The following PCDHA8 variants were observed in gnomAD, a reference collection of about 807,000 sequenced individuals.
PCDHA8 encodes the protein protocadherin alpha-8.
PCDHA8 carries 53 observed loss-of-function variants against 61.8 expected under a neutral mutation model. The observed-to-expected ratio is 0.86, with a 90% CI of 0.69 to 1.08. PCDHA8 has a LOEUF of 1.08. PCDHA8 is among the 50% of genes least tolerant of loss of function. The pLI is 0.00. For missense variants in PCDHA8, 1,293 were observed against 1,245.0 expected, an observed-to-expected ratio of 1.04 and a Z score of -0.58; for synonymous variants, 618 against 556.6, an observed-to-expected ratio of 1.11 and a Z score of -1.55.
At chr5:140,884,130 C>A in intron 1 of PCDHA8, 1 of 1,613,434 alleles carries the variant, frequency 6.2e-7, no homozygotes, top group South Asian at 1.1e-5. Context: ...GCGCGCATCC[C>A]GTTCCGCGTG....
rs574855184 is a variant in PCDHA8 at position 140,890,340 on chromosome 5, G to C, written c.2394+46625G>C. ...TTTAAGATATTAGGTAGTTGGGATG[G>C]TTTACTATATAGCAATGGATAACCT... On this transcript the variant is annotated intron_variant, in intron 1 of 3. Coordinates refer to ENST00000531613, the MANE Select transcript of PCDHA8 (RefSeq NM_018911.3). 9.1e-4 allele frequency among the ~76,000 whole-genome samples: 139 copies of C among 152,222 alleles called. 2 individuals are homozygous for C. The Middle Eastern group carries it at 0.017, about 19-fold the overall frequency.
chr5:140,906,662 G>A (rs1186000828), intron 1 of PCDHA8, among the ~76,000 whole-genome samples: 1 of 152,200 alleles, frequency 6.6e-6, no homozygotes, highest in Non-Finnish European at 1.5e-5. Context: ...TCCTGGTGTA[G>A]TGACCCAAAC....
intron 1 of PCDHA8, among the ~76,000 whole-genome samples, chr5:140,937,894 A>G (rs1554211868): frequency 6.6e-6 from 1 of 150,462 alleles, no homozygotes; most frequent in Non-Finnish European, 1.5e-5. Context: ...CCTGGGCGAC[A>G]GAGTGAGACT....
At chr5:140,989,321 C>T (rs898791820) in intron 3 of PCDHA8, among the ~76,000 whole-genome samples, 2 of 152,296 alleles carry the variant, frequency 1.3e-5, no homozygotes, top group Non-Finnish European at 1.5e-5. Context: ...GTCTCACCAA[C>T]TTTGCCACCT....
At chr5:140,980,856 G>A (rs559833499) in intron 2 of PCDHA8, among the ~76,000 whole-genome samples, 2 of 152,004 alleles carry the variant, frequency 1.3e-5, no homozygotes, top group African/African-American at 2.4e-5. Context: ...AATCTTTTTC[G>A]TATGTGTGCT....
chr5:140,968,652 ACCTGGACCT>A lies in PCDHA8; in HGVS notation c.2395-10295_2395-10287del, dbSNP rs1332508740. The A allele has an allele frequency of 1.9e-6, 3 of 1,614,000 alleles. No homozygotes were observed. In the African/African-American group the frequency reaches 4.0e-5, roughly 22 times the overall value. On this transcript the variant is annotated intron_variant, in intron 1 of 3. Transcript: ENST00000531613. ...TTTTACCATCTAGCCCAGACTTCTGACCTGGACCTCTTTAAGGTAGAGCTGCACACAGGA... is the reference window on the plus strand; with the variant it reads ...TTTTACCATCTAGCCCAGACTTCTGACTTTAAGGTAGAGCTGCACACAGGA...
intron 1 of PCDHA8, among the ~76,000 whole-genome samples, chr5:140,973,337 G>T (rs2096582330): frequency 6.6e-6 from 1 of 152,162 alleles, no homozygotes; most frequent in African/African-American, 2.4e-5. Flanking sequence ...TCGTTGTAAA[G>T]TGACATAGTA....
At chr5:140,883,763 G>T (rs782611304) in intron 1 of PCDHA8, 4 of 1,612,740 alleles carry the variant, frequency 2.5e-6, no homozygotes, top group Non-Finnish European at 3.4e-6. Flanking sequence ...GGAGCGGCGG[G>T]TGGGCGAGCG....
chr5:140,932,063 T>C (rs1020375496), intron 1 of PCDHA8, among the ~76,000 whole-genome samples: 8 of 151,942 alleles, frequency 5.3e-5, no homozygotes, highest in African/African-American at 1.4e-4. Context: ...CTAAAAATTA[T>C]CAGTTTAAGA....
At chr5:140,973,207 A>C (rs1335984656) in intron 1 of PCDHA8, among the ~76,000 whole-genome samples, 1 of 152,100 alleles carries the variant, frequency 6.6e-6, no homozygotes, top group Non-Finnish European at 1.5e-5. Flanking sequence ...GTGCATATTC[A>C]CCCTAATTCC....
chr5:140,893,388 CATG>C (rs2063965035), intron 1 of PCDHA8, among the ~76,000 whole-genome samples: 1 of 152,132 alleles, frequency 6.6e-6, no homozygotes, highest in South Asian at 2.1e-4. Context: ...GACAGTGGCT[CATG>C]CCTGTAATCC....
At chr5:141,001,705 G>A (rs2098033380) in intron 3 of PCDHA8, among the ~76,000 whole-genome samples, 1 of 152,194 alleles carries the variant, frequency 6.6e-6, no homozygotes, top group African/African-American at 2.4e-5. Context: ...GAAATAGGGG[G>A]CGGGGAAGGA....
At chr5:140,985,216 C>T (rs1009954667) in intron 3 of PCDHA8, among the ~76,000 whole-genome samples, 1 of 152,186 alleles carries the variant, frequency 6.6e-6, no homozygotes, top group South Asian at 2.1e-4. Context: ...GGATTACAGG[C>T]GTGAGCCACC....
At chr5:140,993,431 C>T (rs1171497178) in intron 3 of PCDHA8, among the ~76,000 whole-genome samples, 1 of 149,406 alleles carries the variant, frequency 6.7e-6, no homozygotes, top group African/African-American at 2.5e-5. Context: ...TTTTAAAATC[C>T]TTATTCATTC....
chr5:140,997,664 C>A (rs2097778003), intron 3 of PCDHA8, among the ~76,000 whole-genome samples: 1 of 142,906 alleles, frequency 7.0e-6, no homozygotes, highest in African/African-American at 2.5e-5. Context: ...TATTATTATA[C>A]AGCTTGTGTG....
rs2150350552 is a variant in PCDHA8 at position 140,843,029 on chromosome 5, G to A, written c.1708G>A (p.Val570Met). ...CGCGCCGGCACTGCTGGAGCCTCGG[G>A]TGGGTGGCACTGGTGGCGCAGCGAG... ...DNAPALLEPR[V>M]GGTGGAASKL... Residue 570 changes from valine (V) to methionine (M), a missense_variant, in exon 1 of 4, where the codon GTG (valine) becomes ATG (methionine). Coordinates refer to ENST00000531613, the MANE Select transcript of PCDHA8 (RefSeq NM_018911.3). 4.4e-6 allele frequency: 7 copies of A among 1,595,258 alleles called. 1 individual carries two copies. Among genetic ancestry groups the A allele is most frequent in the Middle Eastern group, 1.7e-4 (1 of 5,902 alleles).
chr5:140,885,283 T>C (rs1326439795), intron 1 of PCDHA8, among the ~76,000 whole-genome samples: 2 of 152,298 alleles, frequency 1.3e-5, no homozygotes, highest in Admixed American at 6.5e-5. Context: ...TATATACATA[T>C]ATAGAGAGAG....
At chr5:140,868,805 C>A in intron 1 of PCDHA8, 2 of 356,420 alleles carry the variant, frequency 5.6e-6, no homozygotes, top group Non-Finnish European at 5.0e-6. Context: ...TAAATAAGCA[C>A]GTTGGAAATA....
At chr5:140,863,871 C>T (rs2048215005) in intron 1 of PCDHA8, 1 of 171,736 alleles carries the variant, frequency 5.8e-6, no homozygotes, top group East Asian at 1.5e-4. Context: ...TGTGGTGGTG[C>T]GCACCTGTAA....
Sources: gnomAD v4.1 joint callset for allele counts (sites outside exome capture counted in the v4.1 genomes callset) on GRCh38, gnomAD v4.1.1 for gene constraint, MANE v1.5 for transcripts, NCBI Gene and HGNC (gene_info 2026-07-23, HGNC 2026-07-21) for gene names.